Variants in ATP2A3 observed in about 807,000 individuals in gnomAD.
ATP2A3 encodes the protein sarcoplasmic/endoplasmic reticulum calcium ATPase 3.
ATP2A3 carries 61 observed loss-of-function variants against 106.8 expected under a neutral mutation model. The ratio of observed to expected loss-of-function variants is 0.57; its 90% CI spans 0.46 to 0.71. The LOEUF is 0.71. Among genes scored for constraint, ATP2A3 ranks in the 30% least tolerant of loss-of-function variants. The pLI, the probability that ATP2A3 is intolerant of heterozygous loss-of-function variation, is 0.00. For synonymous variants in ATP2A3, 611 were observed against 609.3 expected (o/e 1.00, Z -0.04); for missense variants, 1,201 against 1,423.5 (o/e 0.84, Z 2.52).
rs934514705 is a variant in ATP2A3 at position 3,927,007 on chromosome 17, C to T, written c.2981-1566G>A. 7.1e-6 allele frequency: 7 copies of T among 985,480 alleles called. No homozygotes were observed. In the East Asian group the frequency reaches 4.5e-4, roughly 64 times the overall value. 61.0% of individuals were successfully genotyped at this position (985,480 alleles called of 1,614,324 possible). On this transcript the variant is annotated intron_variant, in intron 20 of 20. Coordinates refer to ENST00000397041, the MANE Select transcript of ATP2A3 (RefSeq NM_005173.4). ...TGGCACTCAAGGCCCTTGCCCCTGC[C>T]GGGCCTCACCCCTCTGCCCTGCATG...
At chr17:3,950,840 G>C in intron 5 of ATP2A3, 67 bp from the exon 6 acceptor site, 1 of 1,512,244 alleles carries the variant, frequency 6.6e-7, no homozygotes, top group Non-Finnish European at 9.1e-7. Context: ...AGCCAGAAGG[G>C]TTCCCAGAAC....
chr17:3,928,654 C>T lies in ATP2A3; in HGVS notation c.2980+9G>A. 1 of 1,548,278 alleles carries T rather than the reference C, an allele frequency of 6.5e-7. No homozygotes were observed. The highest frequency in any genetic ancestry group is 8.7e-7 in the Non-Finnish European group (1 of 1,144,754). ...GCAGGCTGGAGGCGGGACGGGGCCTCCCACTCACCGTGCATGTGGTTCCGG... is the reference window on the plus strand; with the variant it reads ...GCAGGCTGGAGGCGGGACGGGGCCTTCCACTCACCGTGCATGTGGTTCCGG... On this transcript the variant is annotated intron_variant, in intron 20 of 20. Transcript: ENST00000397041. This position sits in a 1 kb window ranked among gnomAD's most constrained non-coding sequence, Gnocchi z 6.1.
intron 1 of ATP2A3, among the ~76,000 whole-genome samples, chr17:3,959,824 C>G (rs1003353641): frequency 5.9e-5 from 9 of 152,230 alleles, no homozygotes; most frequent in African/African-American, 4.8e-5. Flanking sequence ...GCTCTCCGCT[C>G]TGCAGCGGGG....
intron 14 of ATP2A3, among the ~76,000 whole-genome samples, chr17:3,937,901 G>A (rs756025876): frequency 7.2e-5 from 11 of 152,170 alleles, no homozygotes; most frequent in Admixed American, 1.3e-4. Flanking sequence ...TGGGGATGAC[G>A]GTGAGTCAGC....
chr17:3,949,127 CAAAAAAAAAAAAAA>C (rs869265323), intron 7 of ATP2A3, among the ~76,000 whole-genome samples: 5 of 60,014 alleles, frequency 8.3e-5, no homozygotes, highest in Admixed American at 4.7e-4. Context: ...GACTCTGTCT[CAAAAAAAAAAAAAA>C]AAAAAAAAAA....
Position 3,944,800 on chromosome 17 carries a change from C to G in ATP2A3, c.1191G>C (p.Gln397His). 1 of 1,609,826 alleles carries G rather than the reference C, an allele frequency of 6.2e-7. No individual in the cohort carries two copies. The highest frequency in any genetic ancestry group is 8.5e-7 in the Non-Finnish European group (1 of 1,178,196). The change falls in exon 10 of 21, where the codon CAG becomes CAC. Residue 397 changes from glutamine (Q) to histidine (H), a missense_variant. Physicochemically the swap from Gln to His is conservative, Grantham distance 24. This residue lies in a region of ATP2A3 where 935 missense variants were observed against 1,176.7 expected (regional missense o/e 0.79). Transcript: ENST00000397041. ...TTYTPEGEVR[Q>H]GDQPVRCGQF... ...GGCCGCAGCGCACAGGCTGATCCCC[C>G]TGCCGCCTGCGGAGCCGGGGCGGTC...
At chr17:3,958,374 G>C (rs2054905159) in intron 1 of ATP2A3, among the ~76,000 whole-genome samples, 1 of 152,178 alleles carries the variant, frequency 6.6e-6, no homozygotes, top group South Asian at 2.1e-4. Flanking sequence ...AGCTCCTGGA[G>C]CATAGCAGGT....
intron 1 of ATP2A3, among the ~76,000 whole-genome samples, chr17:3,954,639 G>A (rs1156426673): frequency 1.3e-5 from 2 of 152,114 alleles, no homozygotes; most frequent in Middle Eastern, 3.4e-3. Flanking sequence ...TGGGATTACA[G>A]GCACGCGGCA....
chr17:3,958,859 T>TAA (rs1235445714), intron 1 of ATP2A3, among the ~76,000 whole-genome samples: 1 of 104,534 alleles, frequency 9.6e-6, no homozygotes, highest in African/African-American at 4.4e-5. Flanking sequence ...AATATATATA[T>TAA]ATATATATAT....
Position 3,924,789 on chromosome 17 carries a change from AC to A in ATP2A3, c.*632del, listed in dbSNP as rs2052615995. ...CTTGTGTCCGTCTCTCTGACCCTTC[AC>A]CCGCCCGGGCCCTGCACATATAAAC... On this transcript the variant is annotated 3_prime_UTR_variant, in exon 21 of 21. Transcript: ENST00000397041. This position sits in a 1 kb window ranked among gnomAD's most constrained non-coding sequence, Gnocchi z 6.4. 4.4e-6 allele frequency: 2 copies of A among 455,820 alleles called. No homozygotes were observed. The highest frequency in any genetic ancestry group is 3.1e-5 in the South Asian group (2 of 64,490). The allele number at this position is 455,820 out of a possible 1,614,324, so 28.2% of individuals were successfully genotyped here.
chr17:3,950,716 C>G lies in ATP2A3; in HGVS notation c.521G>C (p.Arg174Pro). The G allele has an allele frequency of 1.2e-6, 2 of 1,613,998 alleles. No individual in the cohort carries two copies. The highest frequency in any genetic ancestry group is 1.7e-6 in the Non-Finnish European group (2 of 1,180,012). Residue 174 changes from arginine to proline, a missense_variant, in exon 6 of 21, where the codon CGA becomes CCA. Coordinates refer to ENST00000397041, the MANE Select transcript of ATP2A3 (RefSeq NM_005173.4). ...ACCCGTCAGGATGGACTGGTCCACT[C>G]GCAGCGTGGTGGACTTGATCTCGAT... is the stretch of plus-strand genomic sequence containing the variant. The part of the protein sequence containing the change: ...RLIEIKSTTL[R>P]VDQSILTGES...
chr17:3,961,370 C>A (rs1489520751), intron 1 of ATP2A3, among the ~76,000 whole-genome samples: 1 of 152,220 alleles, frequency 6.6e-6, no homozygotes, highest in Admixed American at 6.5e-5. Context: ...GGTGCTGGGG[C>A]CAGGAGCCTC....
rs1237153959 is a variant in ATP2A3 at position 3,924,871 on chromosome 17, G to A, written c.*551C>T. On this transcript the variant is annotated 3_prime_UTR_variant, in exon 21 of 21. Transcript: ENST00000397041. This position sits in a 1 kb window ranked among gnomAD's most constrained non-coding sequence, Gnocchi z 6.4. Reference sequence around the variant, plus strand: ...TTTGTGGAAGCAGAGTGGAGTGGAGGGGGCTGCCCACCCTCGCTGTACACA... The same window carrying A: ...TTTGTGGAAGCAGAGTGGAGTGGAGAGGGCTGCCCACCCTCGCTGTACACA... 2 of 456,844 alleles carry A rather than the reference G, an allele frequency of 4.4e-6. No homozygotes were observed. Among genetic ancestry groups the A allele is most frequent in the Non-Finnish European group, 8.8e-6 (2 of 227,168 alleles). The allele number at this position is 456,844 out of a possible 1,614,324, so 28.3% of individuals were successfully genotyped here.
intron 15 of ATP2A3, among the ~76,000 whole-genome samples, 157 bp downstream of exon 15, chr17:3,937,259 C>T (rs17846895): frequency 0.18 from 27,675 of 151,964 alleles, 2,614 homozygotes; most frequent in Middle Eastern, 0.29. Context: ...GAGGTGCTCT[C>T]CCCTGTCCAC....
chr17:3,959,473 C>T (rs1307203403), intron 1 of ATP2A3, among the ~76,000 whole-genome samples: 1 of 152,196 alleles, frequency 6.6e-6, no homozygotes, highest in African/African-American at 2.4e-5. Flanking sequence ...GCCCTGAGCC[C>T]ACAGTCCAGA....
intron 17 of ATP2A3, among the ~76,000 whole-genome samples, chr17:3,932,688 C>T (rs185789721): frequency 6.6e-6 from 1 of 152,260 alleles, no homozygotes; most frequent in Admixed American, 6.5e-5. Context: ...GATCTGCCCG[C>T]CTTGGCATCC....
chr17:3,926,817 C>A lies in ATP2A3; in HGVS notation c.2981-1376G>T. ...ACTCCTGACTCAGGTGATCTGCCCA[C>A]CTCGGCCTCCCAAAGTGCTGGGATG... On this transcript the variant is annotated intron_variant, in intron 20 of 20. Transcript: ENST00000397041. The surrounding 1 kb of genome is among the most constrained non-coding windows in gnomAD (Gnocchi z 4.6). 1 of 979,410 alleles carries A rather than the reference C, an allele frequency of 1.0e-6. No homozygotes were observed. Among genetic ancestry groups the A allele is most frequent in the South Asian group, 4.7e-5 (1 of 21,194 alleles). 60.7% of individuals were successfully genotyped at this position (979,410 alleles called of 1,614,324 possible).
At chr17:3,951,797 T>C (rs529175026) in intron 3 of ATP2A3, 112 bp from the exon 4 acceptor site, 4 of 1,099,012 alleles carry the variant, frequency 3.6e-6, no homozygotes, top group Admixed American at 4.0e-5. Context: ...GAGATAGCAC[T>C]GGGGAGCTCT....
At chr17:3,950,873 G>A in intron 5 of ATP2A3, 100 bp from the exon 6 acceptor site, 1 of 1,209,746 alleles carries the variant, frequency 8.3e-7, no homozygotes, top group East Asian at 2.5e-5. Context: ...CTGGGCGTCG[G>A]GTGCCTGAGC....
Sources: allele counts gnomAD v4.1 joint callset (sites outside exome capture counted in the v4.1 genomes callset), GRCh38; gene constraint gnomAD v4.1.1; regional missense constraint gnomAD v4.1.1; non-coding constraint Gnocchi (gnomAD v3.1); transcripts MANE v1.5; gene names NCBI Gene and HGNC (gene_info 2026-07-23, HGNC 2026-07-21).